The following HHAT variants were observed in gnomAD, a reference collection of about 807,000 sequenced individuals.
HHAT encodes protein-cysteine N-palmitoyltransferase HHAT.
A neutral mutation model predicts 70.8 loss-of-function variants in HHAT; 47 were observed. That is an observed-to-expected ratio of 0.66 (90% CI 0.53 to 0.85). HHAT has a LOEUF of 0.85. HHAT is among the 40% of genes least tolerant of loss of function. The pLI, the probability that HHAT is intolerant of heterozygous loss-of-function variation, is 0.00. For missense variants in HHAT, 609 were observed against 604.8 expected (o/e 1.01, Z -0.07); for synonymous variants, 228 against 247.6 (o/e 0.92, Z 0.74).
intron 3 of HHAT, among the ~76,000 whole-genome samples, chr1:210,380,634 G>C (rs1278777358): frequency 6.6e-6 from 1 of 152,150 alleles, no homozygotes; most frequent in Non-Finnish European, 1.5e-5. Context: ...GGGAGCATAG[G>C]CAAGGGACAC....
chr1:210,332,750 C>T (rs1176092308), intron 1 of HHAT, among the ~76,000 whole-genome samples: 2 of 152,164 alleles, frequency 1.3e-5, no homozygotes, highest in Admixed American at 6.5e-5. Context: ...AGCCAGTGGC[C>T]ACATATTACA....
intron 11 of HHAT, among the ~76,000 whole-genome samples, chr1:210,626,849 C>G (rs1442264509): frequency 6.6e-6 from 1 of 152,116 alleles, no homozygotes; most frequent in East Asian, 1.9e-4. Context: ...ACTCATCTGA[C>G]CCCAAAAAGT....
At chr1:210,416,464 T>C (rs1222611644) in intron 6 of HHAT, among the ~76,000 whole-genome samples, 2 of 152,240 alleles carry the variant, frequency 1.3e-5, no homozygotes, top group African/African-American at 4.8e-5. Context: ...CTCTCTAGTT[T>C]TTCTGTATTT....
chr1:210,523,552 G>A (rs1558085307), intron 9 of HHAT, among the ~76,000 whole-genome samples: 1 of 152,146 alleles, frequency 6.6e-6, no homozygotes, highest in Admixed American at 6.5e-5. Context: ...ATCACTCCCA[G>A]TGACTCTGAT....
chr1:210,384,361 A>G (rs1572055198), intron 3 of HHAT, among the ~76,000 whole-genome samples: 2 of 152,258 alleles, frequency 1.3e-5, no homozygotes, highest in South Asian at 2.1e-4. Context: ...TGGGAATGGT[A>G]CGGGGCGGGC....
At chr1:210,581,874 A>G (rs1659340682) in intron 9 of HHAT, among the ~76,000 whole-genome samples, 1 of 152,188 alleles carries the variant, frequency 6.6e-6, no homozygotes, top group South Asian at 2.1e-4. Context: ...GTAAATGGAA[A>G]TTATGTTACG....
At chr1:210,370,608 C>CTT (rs1196009836) in intron 3 of HHAT, among the ~76,000 whole-genome samples, 115 of 102,638 alleles carry the variant, frequency 1.1e-3, no homozygotes, top group African/African-American at 4.7e-3. Flanking sequence ...ATTGCAGATG[C>CTT]TATTTTTTTT....
chr1:210,353,649 G>T (rs957362221), intron 2 of HHAT, among the ~76,000 whole-genome samples: 6 of 151,784 alleles, frequency 4.0e-5, no homozygotes, highest in Non-Finnish European at 5.9e-5. Context: ...ATTTTTTGGT[G>T]TTTCATTATT....
chr1:210,423,434 G>C (rs1422215761), intron 7 of HHAT, among the ~76,000 whole-genome samples: 1 of 152,148 alleles, frequency 6.6e-6, no homozygotes, highest in Non-Finnish European at 1.5e-5. Flanking sequence ...TGAGATGTCT[G>C]AGTTCCTTGT....
intron 3 of HHAT, among the ~76,000 whole-genome samples, chr1:210,369,354 G>T (rs1486655348): frequency 6.6e-6 from 1 of 152,226 alleles, no homozygotes; most frequent in African/African-American, 2.4e-5. Context: ...CTGTGAGGAG[G>T]CTTAGGAAGA....
In HHAT at chr1:210,551,278, C is replaced by T. The variant is rs1376959445; in HGVS notation, c.1044-36620C>T. Among the ~76,000 whole-genome samples the T allele has an allele frequency of 2.7e-5, 4 of 148,734 alleles. 1 individual carries two copies. Among genetic ancestry groups the T allele is most frequent in the African/African-American group, 1.0e-4 (4 of 40,162 alleles). On this transcript the variant is annotated intron_variant, in intron 9 of 11. Coordinates refer to ENST00000261458, the MANE Select transcript of HHAT (RefSeq NM_018194.6). ...AGGGAGAGAGGGGATGTCCCAGCGG[C>T]GAGCAAAAGCAGAATCCTTAGCACC...
intron 10 of HHAT, among the ~76,000 whole-genome samples, chr1:210,611,744 C>G (rs1160864836): frequency 6.6e-6 from 1 of 152,136 alleles, no homozygotes; most frequent in African/African-American, 2.4e-5. Flanking sequence ...AAGGCCTTTT[C>G]TGCATCTATT....
At chr1:210,470,035 G>T (rs555538089) in intron 8 of HHAT, among the ~76,000 whole-genome samples, 3 of 152,044 alleles carry the variant, frequency 2.0e-5, no homozygotes, top group African/African-American at 7.2e-5. Context: ...GTAGAGGAAG[G>T]GTCTCTACTG....
intron 11 of HHAT, among the ~76,000 whole-genome samples, chr1:210,663,178 C>T (rs1369002261): frequency 6.6e-6 from 1 of 152,178 alleles, no homozygotes; most frequent in Non-Finnish European, 1.5e-5. Context: ...CTCATCTATG[C>T]TTTCTCTGTC....
At chr1:210,553,393 A>G (rs2095544617) in intron 9 of HHAT, among the ~76,000 whole-genome samples, 1 of 152,202 alleles carries the variant, frequency 6.6e-6, no homozygotes. Context: ...AGCCTTCCAG[A>G]TGGAGGGGAG....
At position 210,608,270 on chromosome 1, in the gene HHAT, G is replaced by A. The variant is rs941345509; in HGVS notation, c.1246-15256G>A. Reference sequence around the variant, plus strand: ...CAGATTTGGTCAACTGATTGTTTTTGTATGGCCTGCAGTTATGAATCATTT... The same window carrying A: ...CAGATTTGGTCAACTGATTGTTTTTATATGGCCTGCAGTTATGAATCATTT... On this transcript the variant is annotated intron_variant, in intron 10 of 11. Coordinates refer to ENST00000261458, the MANE Select transcript of HHAT (RefSeq NM_018194.6). 3.3e-5 allele frequency among the ~76,000 whole-genome samples: 5 copies of A among 152,136 alleles called. No individual in the cohort carries two copies. The South Asian group carries it at 6.2e-4, about 19-fold the overall frequency.
At chr1:210,612,805 C>T (rs1375267428) in intron 10 of HHAT, among the ~76,000 whole-genome samples, 4 of 152,148 alleles carry the variant, frequency 2.6e-5, no homozygotes, top group African/African-American at 7.2e-5. Context: ...CTCATCAACA[C>T]GTGTTATTTT....
intron 10 of HHAT, 33 bp from the exon 11 acceptor site, chr1:210,623,493 T>C: frequency 6.2e-7 from 1 of 1,613,218 alleles, no homozygotes; most frequent in Non-Finnish European, 8.5e-7. Context: ...TCCACCCTTG[T>C]CATGAGATGC....
intron 4 of HHAT, among the ~76,000 whole-genome samples, chr1:210,396,152 G>A (rs552588375): frequency 1.2e-4 from 18 of 152,214 alleles, no homozygotes; most frequent in African/African-American, 4.3e-4. Context: ...TGTAAAAATA[G>A]AGTATACTTT....
Sources: gnomAD v4.1 joint callset for allele counts (sites outside exome capture counted in the v4.1 genomes callset) on GRCh38, gnomAD v4.1.1 for gene constraint, MANE v1.5 for transcripts, NCBI Gene and HGNC (gene_info 2026-07-23, HGNC 2026-07-21) for gene names.